Variants in DPP10 observed in about 807,000 individuals in gnomAD.
DPP10 encodes the protein inactive dipeptidyl peptidase 10.
Under a neutral mutation model 120.9 loss-of-function variants are expected in DPP10, and 33 were observed. The ratio of observed to expected loss-of-function variants is 0.27; its 90% confidence interval spans 0.21 to 0.37. The LOEUF is 0.37. DPP10 is among the 10% of genes least tolerant of loss of function. The probability of loss-of-function intolerance (pLI) is 1.00; values close to 1 mark genes in which losing one functional copy is unlikely to be tolerated. For synonymous variants in DPP10, 337 were observed against 326.1 expected, an observed-to-expected ratio of 1.03 and a Z score of -0.36; for missense variants, 816 against 942.8, an observed-to-expected ratio of 0.87 and a Z score of 1.76.
In DPP10 at chr2:115,510,208, TC is replaced by T. The variant is rs556757632; in HGVS notation, c.366+10605del. ...AGATTTAAATGTTGATAAAGTCAAA[TC>T]TATTTTTTCTTTAGTTTTCTATACA... On this transcript the variant is annotated intron_variant, in intron 4 of 25. Transcript: ENST00000410059. Among the ~76,000 whole-genome samples the T allele has an allele frequency of 7.4e-3, 1,124 of 152,240 alleles. 6 individuals carry two copies. The highest frequency in any genetic ancestry group is 0.025 in the African/African-American group (1,030 of 41,568).
intron 5 of DPP10, among the ~76,000 whole-genome samples, chr2:115,589,382 T>A (rs1349838085): frequency 6.6e-6 from 1 of 152,196 alleles, no homozygotes; most frequent in Non-Finnish European, 1.5e-5. Context: ...AGTTCATGTT[T>A]ACCCAGGTGG....
intron 1 of DPP10, among the ~76,000 whole-genome samples, chr2:114,545,381 T>G (rs558442487): frequency 2.0e-5 from 3 of 152,232 alleles, no homozygotes; most frequent in Non-Finnish European, 4.4e-5. Flanking sequence ...TCAGCACTGG[T>G]CTTGATTCAC....
intron 1 of DPP10, among the ~76,000 whole-genome samples, chr2:114,810,298 T>C (rs1012141558): frequency 1.3e-5 from 2 of 152,232 alleles, no homozygotes; most frequent in Non-Finnish European, 2.9e-5. Flanking sequence ...CTACGTCAGC[T>C]CTTTCTGAAT....
At chr2:114,776,570 G>A (rs568697368) in intron 1 of DPP10, among the ~76,000 whole-genome samples, 1 of 152,100 alleles carries the variant, frequency 6.6e-6, no homozygotes, top group South Asian at 2.1e-4. Context: ...GGCTTTTATA[G>A]GCTCAAAAGA....
chr2:115,587,641 T>G (rs2082380645), intron 5 of DPP10, among the ~76,000 whole-genome samples: 1 of 152,160 alleles, frequency 6.6e-6, no homozygotes, highest in Non-Finnish European at 1.5e-5. Flanking sequence ...AGAAACAAGA[T>G]TAGTGTCCAC....
chr2:114,635,230 T>C lies in DPP10; in HGVS notation c.60+192392T>C, dbSNP rs550500133. Among the ~76,000 whole-genome samples the C allele has an allele frequency of 2.4e-4, 37 of 151,990 alleles. No individual in the cohort carries two copies. In the East Asian group the frequency reaches 7.1e-3, roughly 29 times the overall value. On this transcript the variant is annotated intron_variant, in intron 1 of 25. Coordinates refer to ENST00000410059, the MANE Select transcript of DPP10 (RefSeq NM_020868.6). ...CAAAGAAGTTTGAACCATGCAGAGGTTGAATTTAATTTGTATAAAATCCTC... is the reference window on the plus strand; with the variant it reads ...CAAAGAAGTTTGAACCATGCAGAGGCTGAATTTAATTTGTATAAAATCCTC...
At chr2:115,380,121 C>G (rs1030212227) in intron 3 of DPP10, among the ~76,000 whole-genome samples, 2 of 152,068 alleles carry the variant, frequency 1.3e-5, no homozygotes, top group Non-Finnish European at 2.9e-5. Flanking sequence ...GACTTTCTGT[C>G]TCGTTGATCT....
chr2:115,042,063 C>T (rs1573405800), intron 1 of DPP10, among the ~76,000 whole-genome samples: 1 of 113,124 alleles, frequency 8.8e-6, no homozygotes, highest in Non-Finnish European at 1.7e-5. Context: ...TTGGAAAGAA[C>T]ATAGGAAATC....
intron 1 of DPP10, among the ~76,000 whole-genome samples, chr2:114,729,358 GA>G (rs1170056905): frequency 1.3e-5 from 2 of 152,222 alleles, no homozygotes; most frequent in Non-Finnish European, 2.9e-5. Context: ...AGCTAAAAAT[GA>G]AATGACTATG....
At chr2:115,842,094 T>G in intron 25 of DPP10, 117 bp from the exon 26 acceptor site, 1 of 1,006,326 alleles carries the variant, frequency 9.9e-7, no homozygotes, top group Non-Finnish European at 1.4e-6. Flanking sequence ...GAATTAGGTT[T>G]GATTTTGGTC....
intron 7 of DPP10, among the ~76,000 whole-genome samples, chr2:115,700,288 C>A (rs978957398): frequency 9.2e-5 from 14 of 152,040 alleles, no homozygotes; most frequent in African/African-American, 2.2e-4. Flanking sequence ...AGATTCAAAT[C>A]ATGTCAGTAG....
intron 3 of DPP10, among the ~76,000 whole-genome samples, chr2:115,357,323 C>T (rs538017083): frequency 6.6e-6 from 1 of 152,320 alleles, no homozygotes; most frequent in Admixed American, 6.5e-5. Flanking sequence ...GTTAAATATA[C>T]CCATTCCAAA....
intron 3 of DPP10, among the ~76,000 whole-genome samples, chr2:115,345,288 T>G (rs993490120): frequency 2.6e-5 from 4 of 152,202 alleles, no homozygotes; most frequent in Admixed American, 2.0e-4. Context: ...GCTAGTCATA[T>G]TTTTGCCTTT....
intron 1 of DPP10, among the ~76,000 whole-genome samples, chr2:115,085,451 A>G (rs1708612689): frequency 6.6e-6 from 1 of 152,208 alleles, no homozygotes; most frequent in South Asian, 2.1e-4. Flanking sequence ...AAAAGTGGTC[A>G]TTTCTACCCA....
Position 115,072,214 on chromosome 2 carries a change from G to A in DPP10, c.61-237025G>A, listed in dbSNP as rs148694585. On this transcript the variant is annotated intron_variant, in intron 1 of 25. Transcript: ENST00000410059. ...TATATCACCTGATGGTTATCTGAACGAGAGCCCGACTGAAGAGGCTGACAA... is the reference window on the plus strand; with the variant it reads ...TATATCACCTGATGGTTATCTGAACAAGAGCCCGACTGAAGAGGCTGACAA... Among the ~76,000 whole-genome samples the A allele has an allele frequency of 1.6e-4, 25 of 152,126 alleles. No homozygotes were observed. In the East Asian group the frequency reaches 1.7e-3, roughly 11 times the overall value.
At chr2:114,800,273 C>T (rs1684080333) in intron 1 of DPP10, among the ~76,000 whole-genome samples, 1 of 152,128 alleles carries the variant, frequency 6.6e-6, no homozygotes, top group South Asian at 2.1e-4. Flanking sequence ...AGTTATCATG[C>T]TAGTAGAGGT....
In DPP10 at chr2:114,907,434, C is replaced by T. The variant is rs943408837; in HGVS notation, c.61-401805C>T. 1.5e-4 allele frequency among the ~76,000 whole-genome samples: 23 copies of T among 152,128 alleles called. No homozygotes were observed. The South Asian group carries it at 4.6e-3, about 30-fold the overall frequency. ...TTCTCTTTTTTAAATATAGAATTTA[C>T]AGCTATATATTTATCTTAAAGCGCT... On this transcript the variant is annotated intron_variant, in intron 1 of 25. Transcript: ENST00000410059.
At chr2:115,538,240 TA>T (rs1282465703) in intron 5 of DPP10, among the ~76,000 whole-genome samples, 3 of 151,972 alleles carry the variant, frequency 2.0e-5, no homozygotes, top group Non-Finnish European at 4.4e-5. Flanking sequence ...GAAATCACGA[TA>T]GAGTTCTGAA....
At chr2:114,885,354 A>C (rs959154684) in intron 1 of DPP10, among the ~76,000 whole-genome samples, 1 of 152,106 alleles carries the variant, frequency 6.6e-6, no homozygotes, top group Non-Finnish European at 1.5e-5. Context: ...ATAATGCTAA[A>C]CCATTTATAA....
Sources: allele counts gnomAD v4.1 joint callset (sites outside exome capture counted in the v4.1 genomes callset), GRCh38; gene constraint gnomAD v4.1.1; transcripts MANE v1.5; gene names NCBI Gene and HGNC (gene_info 2026-07-23, HGNC 2026-07-21).